The following LDLRAD4 variants were observed in gnomAD, a reference collection of about 807,000 sequenced individuals.
The protein encoded by LDLRAD4 is low-density lipoprotein receptor class A domain-containing protein 4.
LDLRAD4 carries 5 observed loss-of-function variants against 17.0 expected under a neutral mutation model. The ratio of observed to expected loss-of-function variants is 0.29; its 90% confidence interval spans 0.15 to 0.62. LDLRAD4 has a LOEUF of 0.62. LDLRAD4 is among the 20% of genes least tolerant of loss of function. The pLI, the probability that LDLRAD4 is intolerant of heterozygous loss-of-function variation, is 0.84. For missense variants in LDLRAD4, 340 were observed against 424.7 expected (o/e 0.80, Z 1.75); for synonymous variants, 168 against 171.8 (o/e 0.98, Z 0.17).
At chr18:13,601,357 A>G (rs1319300261) in intron 3 of LDLRAD4, among the ~76,000 whole-genome samples, 2 of 152,240 alleles carry the variant, frequency 1.3e-5, no homozygotes, top group Non-Finnish European at 2.9e-5. Flanking sequence ...ACAAGTGACC[A>G]ACAAACATAG....
chr18:13,293,329 A>AGT (rs1567975412), intron 1 of LDLRAD4, among the ~76,000 whole-genome samples: 1 of 152,070 alleles, frequency 6.6e-6, no homozygotes, highest in Non-Finnish European at 1.5e-5. Context: ...CTCCTGTGTG[A>AGT]GTGTGTGTGT....
intron 1 of LDLRAD4, among the ~76,000 whole-genome samples, chr18:13,264,785 T>C (rs189207530): frequency 1.3e-5 from 2 of 152,270 alleles, no homozygotes; most frequent in Admixed American, 6.5e-5. Flanking sequence ...CTGAAAAGAG[T>C]AGTTGAAGAA....
At chr18:13,451,023 G>A (rs772273788) in intron 3 of LDLRAD4, among the ~76,000 whole-genome samples, 27 of 152,162 alleles carry the variant, frequency 1.8e-4, no homozygotes, top group Non-Finnish European at 3.1e-4. Context: ...GAGAGGCTAC[G>A]ACACAAAGCT....
intron 1 of LDLRAD4, among the ~76,000 whole-genome samples, chr18:13,378,341 A>T (rs1375999398): frequency 6.6e-6 from 1 of 152,084 alleles, no homozygotes; most frequent in East Asian, 1.9e-4. Flanking sequence ...GGGGCATGGG[A>T]GCACCCTACT....
At chr18:13,224,474 C>CTT (rs10676168) in intron 1 of LDLRAD4, among the ~76,000 whole-genome samples, 33,387 of 87,862 alleles carry the variant, frequency 0.38, 7,706 homozygotes, top group Non-Finnish European at 0.41. Flanking sequence ...TTCTTTCTTT[C>CTT]TTTTTTTTTT....
In LDLRAD4 at chr18:13,381,536, C is replaced by T. The variant is rs943665784; in HGVS notation, c.-382-5805C>T. Among the ~76,000 whole-genome samples the T allele has an allele frequency of 2.0e-5, 3 of 152,330 alleles. No individual in the cohort carries two copies. The East Asian group carries it at 5.8e-4, about 29-fold the overall frequency. ...GGGTACCAGAAGCAGAGTGGGTCCCCTACCTGGGGCTCTCTGCCTACGGCT... is the reference window on the plus strand; with the variant it reads ...GGGTACCAGAAGCAGAGTGGGTCCCTTACCTGGGGCTCTCTGCCTACGGCT... On this transcript the variant is annotated intron_variant, in intron 1 of 5. Coordinates refer to ENST00000359446, the Ensembl canonical transcript of LDLRAD4.
chr18:13,251,862 C>A (rs1396222390), intron 1 of LDLRAD4, among the ~76,000 whole-genome samples: 1 of 152,106 alleles, frequency 6.6e-6, no homozygotes, highest in Non-Finnish European at 1.5e-5. Flanking sequence ...ATTGTTTATC[C>A]CAAATGCAGA....
At chr18:13,587,513 G>A (rs2094951597) in intron 3 of LDLRAD4, among the ~76,000 whole-genome samples, 2 of 152,136 alleles carry the variant, frequency 1.3e-5, no homozygotes, top group South Asian at 2.1e-4. Flanking sequence ...TTATTCCAAC[G>A]TCCACACTTC....
intron 4 of LDLRAD4, among the ~76,000 whole-genome samples, chr18:13,630,068 G>A (rs577615821): frequency 4.6e-5 from 7 of 152,272 alleles, no homozygotes; most frequent in African/African-American, 1.7e-4. Context: ...CTTGAAGTCC[G>A]ATTGCTCACT....
At chr18:13,491,224 A>T (rs1049181741) in intron 3 of LDLRAD4, 23 of 152,204 alleles carry the variant, frequency 1.5e-4, no homozygotes, top group African/African-American at 5.5e-4. Flanking sequence ...TTAAATGTCC[A>T]CCTGCAGGGT....
Position 13,426,552 on chromosome 18 carries a change from C to A in LDLRAD4, c.41-11692C>A, listed in dbSNP as rs371217698. On this transcript the variant is annotated intron_variant, in intron 2 of 5. Transcript: ENST00000359446. The stretch of plus-strand genomic sequence containing the variant: ...CAGCCTCCTGCTGAGAACCCAACAG[C>A]CCCACCCGTGCCTCTTCCTACTGCA... 1.2e-4 allele frequency among the ~76,000 whole-genome samples: 18 copies of A among 152,282 alleles called. 1 individual carries two copies. The East Asian group carries it at 1.9e-3, about 16-fold the overall frequency.
intron 3 of LDLRAD4, among the ~76,000 whole-genome samples, chr18:13,445,818 GTGTC>G (rs1186691676): frequency 6.6e-6 from 1 of 151,926 alleles, no homozygotes; most frequent in African/African-American, 2.4e-5. Context: ...ATGAGTGTGT[GTGTC>G]TGTGTGTGAG....
In LDLRAD4 at chr18:13,246,233, C is replaced by T. The variant is rs116432718; in HGVS notation, c.-467+27245C>T. ...AGCCTCCAGAGGTTTGGGTGGTCTG[C>T]GGCCATCACTGACTTCAGGCTCTGC... On this transcript the variant is annotated intron_variant, in intron 1 of 5. Transcript: ENST00000399848. 2.9e-3 allele frequency among the ~76,000 whole-genome samples: 438 copies of T among 152,332 alleles called. 3 individuals are homozygous for T. Among genetic ancestry groups the T allele is most frequent in the African/African-American group, 0.01 (419 of 41,582 alleles).
intron 1 of LDLRAD4, among the ~76,000 whole-genome samples, chr18:13,309,106 C>T (rs1238343857): frequency 6.6e-6 from 1 of 152,212 alleles, no homozygotes; most frequent in Non-Finnish European, 1.5e-5. Context: ...AAAACTAAGG[C>T]ATGTTCTCAG....
intron 2 of LDLRAD4, among the ~76,000 whole-genome samples, chr18:13,399,379 A>C (rs1016014889): frequency 2.6e-5 from 4 of 152,186 alleles, no homozygotes; most frequent in Admixed American, 1.3e-4. Context: ...CCTTATCTAT[A>C]ATGTGAAAAT....
intron 3 of LDLRAD4, among the ~76,000 whole-genome samples, chr18:13,619,325 C>T (rs1000403671): frequency 1.3e-5 from 2 of 152,058 alleles, no homozygotes; most frequent in African/African-American, 2.4e-5. Flanking sequence ...GGTAAACAAG[C>T]GTGTCATACT....
chr18:13,226,774 T>C (rs2041831228), intron 1 of LDLRAD4, among the ~76,000 whole-genome samples: 1 of 150,566 alleles, frequency 6.6e-6, no homozygotes, highest in Non-Finnish European at 1.5e-5. Context: ...TAAATTCTAC[T>C]CAGGTAGGTT....
chr18:13,509,807 C>T (rs998184140), intron 3 of LDLRAD4, among the ~76,000 whole-genome samples: 2 of 152,128 alleles, frequency 1.3e-5, no homozygotes, highest in Non-Finnish European at 2.9e-5. Context: ...CCACAGCTAC[C>T]CCAGCCTTCA....
chr18:13,302,208 T>G (rs947579449), intron 1 of LDLRAD4, among the ~76,000 whole-genome samples: 1 of 152,224 alleles, frequency 6.6e-6, no homozygotes, highest in Admixed American at 6.5e-5. Context: ...TGTTTCCTTG[T>G]TTCCAACGCA....
Sources: allele counts gnomAD v4.1 joint callset (sites outside exome capture counted in the v4.1 genomes callset), GRCh38; gene constraint gnomAD v4.1.1; transcripts MANE v1.5; gene names NCBI Gene and HGNC (gene_info 2026-07-23, HGNC 2026-07-21).